Variants in IL1RAPL1 observed in about 807,000 individuals in gnomAD.
IL1RAPL1 encodes the protein interleukin 1 receptor accessory protein like 1, also known as interleukin-1 receptor accessory protein-like 1.
Under a neutral mutation model 48.4 loss-of-function variants are expected in IL1RAPL1, and 3 were observed. The ratio of observed to expected loss-of-function variants is 0.06; its 90% CI spans 0.03 to 0.16. The LOEUF (loss-of-function observed/expected upper bound fraction) is 0.16, where lower values mean the gene tolerates loss of function less well. Ranked by LOEUF, IL1RAPL1 falls within the 10% of genes least tolerant of loss-of-function variation. IL1RAPL1 has a pLI of 1.00. For synonymous variants in IL1RAPL1, 185 were observed against 187.7 expected, an observed-to-expected ratio of 0.99 and a Z score of 0.12; for missense variants, 349 against 530.6, an observed-to-expected ratio of 0.66 and a Z score of 3.36.
chrX:29,619,496 T>C (rs1924394372), intron 5 of IL1RAPL1, among the ~76,000 whole-genome samples: 1 of 111,833 alleles, frequency 8.9e-6, no homozygotes, highest in Non-Finnish European at 1.9e-5. Flanking sequence ...ACAAATAAAC[T>C]TGGAAGATAT....
intron 2 of IL1RAPL1, among the ~76,000 whole-genome samples, chrX:28,886,400 G>T (rs1922631713): frequency 9.2e-6 from 1 of 109,072 alleles, no homozygotes; most frequent in Admixed American, 9.9e-5. Context: ...TAAACCCTGT[G>T]TTCTTTGTGT....
intron 5 of IL1RAPL1, among the ~76,000 whole-genome samples, chrX:29,470,236 A>G (rs893972313): frequency 8.9e-6 from 1 of 111,958 alleles, no homozygotes; most frequent in Non-Finnish European, 1.9e-5. Context: ...CTTGCTAAAG[A>G]AATGTCTCAC....
chrX:29,377,820 TG>T (rs772937501), intron 3 of IL1RAPL1, among the ~76,000 whole-genome samples: 62 of 111,642 alleles, frequency 5.6e-4, no homozygotes, highest in African/African-American at 2.0e-3. Flanking sequence ...TTTGTGAATC[TG>T]ATGACTATGT....
At chrX:29,246,562 A>G (rs150297907) in intron 2 of IL1RAPL1, among the ~76,000 whole-genome samples, 78 of 110,748 alleles carry the variant, frequency 7.0e-4, no homozygotes, top group African/African-American at 2.5e-3. Flanking sequence ...ACTTTCTTCT[A>G]TCTCCTGTTG....
At chrX:28,895,338 C>T (rs28833503) in intron 2 of IL1RAPL1, among the ~76,000 whole-genome samples, 45,894 of 108,214 alleles carry the variant, frequency 0.42, 7,199 homozygotes, top group Middle Eastern at 0.59. Flanking sequence ...TTAATCTTTT[C>T]AAAGCGTGCT....
At chrX:29,114,163 G>C (rs1928630813) in intron 2 of IL1RAPL1, among the ~76,000 whole-genome samples, 1 of 111,585 alleles carries the variant, frequency 9.0e-6, no homozygotes, top group Admixed American at 9.5e-5. Flanking sequence ...CCCATTTTCT[G>C]TTTCCTAAGA....
intron 1 of IL1RAPL1, among the ~76,000 whole-genome samples, chrX:28,623,780 A>C (rs1026616532): frequency 2.7e-5 from 3 of 111,146 alleles, no homozygotes; most frequent in African/African-American, 9.8e-5. Context: ...TATCTATTTC[A>C]TTGTCATGGA....
intron 4 of IL1RAPL1, among the ~76,000 whole-genome samples, chrX:29,398,291 T>C (rs1357794439): frequency 1.8e-5 from 2 of 112,058 alleles, no homozygotes; most frequent in African/African-American, 6.5e-5. Flanking sequence ...CCACATAAAA[T>C]AATGTTCTGC....
intron 2 of IL1RAPL1, among the ~76,000 whole-genome samples, chrX:28,925,572 A>G (rs951326346): frequency 8.9e-6 from 1 of 111,853 alleles, no homozygotes; most frequent in Non-Finnish European, 1.9e-5. Flanking sequence ...GATTTTGTAT[A>G]CGCAACCCTG....
intron 5 of IL1RAPL1, among the ~76,000 whole-genome samples, chrX:29,447,243 A>C (rs947169210): frequency 1.2e-4 from 13 of 110,888 alleles, no homozygotes; most frequent in Non-Finnish European, 1.9e-4. Flanking sequence ...TTGCCTTTGA[A>C]AATAGAATTT....
intron 1 of IL1RAPL1, among the ~76,000 whole-genome samples, chrX:28,773,112 C>T (rs1490121508): frequency 1.8e-5 from 2 of 110,522 alleles, no homozygotes; most frequent in Non-Finnish European, 3.8e-5. Context: ...TTCATTCTGT[C>T]GCTCAGGCTG....
chrX:29,154,783 A>G (rs1602085135), intron 2 of IL1RAPL1, among the ~76,000 whole-genome samples: 1 of 111,485 alleles, frequency 9.0e-6, no homozygotes, highest in East Asian at 2.8e-4. Flanking sequence ...TATAAAGGTG[A>G]TTCAGCTATA....
At chrX:28,871,789 G>A (rs952529076) in intron 2 of IL1RAPL1, among the ~76,000 whole-genome samples, 1 of 111,834 alleles carries the variant, frequency 8.9e-6, no homozygotes, top group Non-Finnish European at 1.9e-5. Flanking sequence ...CCCTGCTGTA[G>A]TGACTATGAT....
At chrX:29,908,422 A>C (rs950923010) in intron 6 of IL1RAPL1, among the ~76,000 whole-genome samples, 1 of 108,759 alleles carries the variant, frequency 9.2e-6, no homozygotes, top group African/African-American at 3.3e-5. Flanking sequence ...TAATTTTAGA[A>C]TCTATGCTCT....
At chrX:29,702,870 C>T (rs769428935) in intron 6 of IL1RAPL1, among the ~76,000 whole-genome samples, 1 of 112,247 alleles carries the variant, frequency 8.9e-6, no homozygotes, top group East Asian at 2.8e-4. Flanking sequence ...ATATACAGAG[C>T]ACATGAATAA....
chrX:29,625,989 G>A (rs895794894), intron 5 of IL1RAPL1, among the ~76,000 whole-genome samples: 5 of 111,409 alleles, frequency 4.5e-5, no homozygotes, highest in South Asian at 3.7e-4. Context: ...CCCTGCTCCC[G>A]TCTTAAATTT....
intron 2 of IL1RAPL1, among the ~76,000 whole-genome samples, chrX:29,077,358 A>G (rs1407237341): frequency 9.0e-6 from 1 of 111,531 alleles, no homozygotes; most frequent in African/African-American, 3.3e-5. Context: ...TAATCCCAGC[A>G]CTTTGGGAGG....
chrX:29,458,221 G>C (rs747536337), intron 5 of IL1RAPL1, among the ~76,000 whole-genome samples: 2 of 112,437 alleles, frequency 1.8e-5, no homozygotes, highest in Non-Finnish European at 3.8e-5. Flanking sequence ...CTGCCATTCT[G>C]TAGATTGTTT....
Position 28,649,519 on chromosome X carries a change from A to T in IL1RAPL1, c.-25+61472A>T, listed in dbSNP as rs191798168. Among the ~76,000 whole-genome samples the T allele has an allele frequency of 1.7e-3, 187 of 112,771 alleles. 1 individual carries two copies. Among genetic ancestry groups the T allele is most frequent in the African/African-American group, 5.8e-3 (179 of 31,080 alleles). On this transcript the variant is annotated intron_variant, in intron 1 of 10. Transcript: ENST00000378993. ...GTTTCTCAGATCCTTTAATCTGCCA[A>T]TGTGCATTGTTGATTACTAATGGGA...
Sources: allele counts gnomAD v4.1 joint callset (sites outside exome capture counted in the v4.1 genomes callset), GRCh38; gene constraint gnomAD v4.1.1; transcripts MANE v1.5; gene names NCBI Gene and HGNC (gene_info 2026-07-23, HGNC 2026-07-21).